ABCG5: variants seen among roughly 807,000 people sequenced by gnomAD.
The protein encoded by ABCG5 is ATP binding cassette subfamily G member 5, also known as ATP-binding cassette sub-family G member 5.
ABCG5 carries 64 observed loss-of-function variants against 64.5 expected under a neutral mutation model. The ratio of observed to expected loss-of-function variants is 0.99; its 90% confidence interval spans 0.81 to 1.22. The LOEUF is 1.22. ABCG5 is among the 50% of genes most tolerant of loss of function. ABCG5 has a pLI of 0.00. For synonymous variants in ABCG5, 385 were observed against 326.3 expected, an observed-to-expected ratio of 1.18 and a Z score of -1.94; for missense variants, 908 against 829.5, an observed-to-expected ratio of 1.09 and a Z score of -1.16.
chr2:43,838,342 A>G lies in ABCG5; in HGVS notation c.143+195T>C, dbSNP rs1214023504. On this transcript the variant is annotated intron_variant, in intron 1 of 12. Transcript: ENST00000405322. This position sits in a 1 kb window ranked among gnomAD's most constrained non-coding sequence, Gnocchi z 4.2. ...TTTATGCCCAGGCCCTTCCCTGGGC[A>G]GGGGGAGGGGCCATTCACTGTCGCT... 1.3e-5 allele frequency: 8 copies of G among 629,368 alleles called. No homozygotes were observed. The highest frequency in any genetic ancestry group is 2.0e-5 in the South Asian group (1 of 50,668). 39.0% of individuals were successfully genotyped at this position (629,368 alleles called of 1,614,324 possible). A position where few individuals can be genotyped will look rare whatever the true frequency, so the allele number is the denominator to read the frequency against.
downstream of ABCG5, chr2:43,810,400 C>G (rs920331301): frequency 1.6e-5 from 16 of 985,288 alleles, no homozygotes; most frequent in Non-Finnish European, 1.9e-5. Flanking sequence ...AGGAGATATC[C>G]TATCAAGAAG....
At chr2:43,836,968 G>A (rs2104889089) in intron 2 of ABCG5, among the ~76,000 whole-genome samples, 1 of 149,234 alleles carries the variant, frequency 6.7e-6, no homozygotes, top group Middle Eastern at 3.4e-3. Context: ...GGTTAAGGAT[G>A]CAGTGAGCCA....
chr2:43,820,386 C>T (rs1462908912), intron 10 of ABCG5, among the ~76,000 whole-genome samples: 2 of 152,178 alleles, frequency 1.3e-5, no homozygotes, highest in African/African-American at 4.8e-5. Context: ...ATGGTCACAA[C>T]TAACCGCAGT....
intron 11 of ABCG5, among the ~76,000 whole-genome samples, chr2:43,816,856 C>A (rs1666867951): frequency 6.6e-6 from 1 of 152,188 alleles, no homozygotes; most frequent in Non-Finnish European, 1.5e-5. Flanking sequence ...CTTCAGGTAA[C>A]TTTTACTTTC....
At position 43,827,968 on chromosome 2, in the gene ABCG5, C is replaced by G; in HGVS notation, c.634+15G>C. On this transcript the variant is annotated intron_variant, in intron 5 of 12. Coordinates refer to ENST00000405322, the MANE Select transcript of ABCG5 (RefSeq NM_022436.3). Reference sequence around the variant, plus strand: ...GCCCAGACAGCAGCTAGTAACAGTTCTGGGTGCCACTTACTAGGATCCTGG... The same window carrying G: ...GCCCAGACAGCAGCTAGTAACAGTTGTGGGTGCCACTTACTAGGATCCTGG... The G allele has an allele frequency of 6.2e-7, 1 of 1,613,854 alleles. No individual in the cohort carries two copies. The highest frequency in any genetic ancestry group is 8.5e-7 in the Non-Finnish European group (1 of 1,179,996).
chr2:43,837,395 A>C (rs1336102808), intron 2 of ABCG5, among the ~76,000 whole-genome samples: 2 of 152,170 alleles, frequency 1.3e-5, no homozygotes, highest in Non-Finnish European at 2.9e-5. Flanking sequence ...TGCTGGGATT[A>C]CAGTCATAAG....
chr2:43,828,325 T>C (rs1558756129), intron 4 of ABCG5: 7 of 684,012 alleles, frequency 1.0e-5, no homozygotes, highest in African/African-American at 1.8e-5. Flanking sequence ...TTTAAATAAA[T>C]AATATGAATT....
Position 43,838,184 on chromosome 2 carries a change from G to C in ABCG5, c.144-229C>G. 1 of 613,950 alleles carries C rather than the reference G, an allele frequency of 1.6e-6. No individual in the cohort carries two copies. Among genetic ancestry groups the C allele is most frequent in the Non-Finnish European group, 2.8e-6 (1 of 352,264 alleles). 38.0% of individuals were successfully genotyped at this position (613,950 alleles called of 1,614,324 possible). ...TGGAGTTGCTCTGAATGTCCTGTCC[G>C]TTTGGCTGCGAGGTGGCTGTCCCTG... On this transcript the variant is annotated intron_variant, in intron 1 of 12. Coordinates refer to ENST00000405322, the MANE Select transcript of ABCG5 (RefSeq NM_022436.3). The surrounding 1 kb of genome is among the most constrained non-coding windows in gnomAD (Gnocchi z 4.2).
At chr2:43,806,735 A>G in the ABCG5 span, among the ~76,000 whole-genome samples, 1 of 152,218 alleles carries the variant, frequency 6.6e-6, no homozygotes, top group South Asian at 2.1e-4. Flanking sequence ...TGTGAGCATC[A>G]TGAGTTTTCA....
chr2:43,839,029 CCAGGGTCA>C, upstream of ABCG5: 1 of 1,550,274 alleles, frequency 6.5e-7, no homozygotes, highest in Non-Finnish European at 8.7e-7. Flanking sequence ...GAGCTGCAGC[CCAGGGTCA>C]CAGACCTGTG....
downstream of ABCG5, among the ~76,000 whole-genome samples, chr2:43,809,183 G>A (rs1013195640): frequency 6.6e-6 from 1 of 151,990 alleles, no homozygotes; most frequent in Admixed American, 6.6e-5. Context: ...GTAGAGACAC[G>A]GTCTCCCTAT....
chr2:43,819,481 C>CT (rs4148199), intron 11 of ABCG5, among the ~76,000 whole-genome samples: 292 of 143,108 alleles, frequency 2.0e-3, no homozygotes, highest in East Asian at 7.5e-3. Context: ...ATCCTGCAGG[C>CT]TTTTTTTTTT....
chr2:43,826,256 T>C, intron 6 of ABCG5, 126 bp downstream of exon 6: 1 of 1,439,504 alleles, frequency 6.9e-7, no homozygotes, highest in Non-Finnish European at 9.5e-7. Context: ...TGCCTCAGCC[T>C]CCCAAAGTGC....
At chr2:43,813,920 C>T (rs780797301) in intron 12 of ABCG5, among the ~76,000 whole-genome samples, 5 of 151,242 alleles carry the variant, frequency 3.3e-5, no homozygotes, top group Non-Finnish European at 4.4e-5. Flanking sequence ...GTTTTTGCCA[C>T]GTCGGCCAGG....
In ABCG5 at chr2:43,824,052, G is replaced by A. The variant is rs1667431226; in HGVS notation, c.1185C>T (p.Ile395=). 3 of 1,614,084 alleles carry A rather than the reference G, an allele frequency of 1.9e-6. No individual in the cohort carries two copies. The Admixed American group carries it at 5.0e-5, about 27-fold the overall frequency. Residue 395 remains isoleucine, a synonymous_variant, in exon 9 of 13, where the codon ATC becomes ATT. Coordinates refer to ENST00000405322, the MANE Select transcript of ABCG5 (RefSeq NM_022436.3). ...CGAAGAAAAGGAGGAACAAACCCAT[G>A]ATCAGATTCTGAAGGAGACGCGTAA... ...AVITRLLQNL[I]MGLFLLFFVL...
rs1321565464 is a variant in ABCG5 at position 43,814,458 on chromosome 2, C to A, written c.1762+19G>T. 2.0e-6 allele frequency: 3 copies of A among 1,495,012 alleles called. No homozygotes were observed. The highest frequency in any genetic ancestry group is 1.7e-4 in the Middle Eastern group (1 of 5,816). 92.6% of individuals were successfully genotyped at this position (1,495,012 alleles called of 1,614,324 possible). The stretch of plus-strand genomic sequence containing the variant: ...TCAGAGTAACATGCAAAAATAATAT[C>A]CCCAAATAGAATACTTACCACAAGT... On this transcript the variant is annotated intron_variant, in intron 12 of 12. Coordinates refer to ENST00000405322, the MANE Select transcript of ABCG5 (RefSeq NM_022436.3).
downstream of ABCG5, among the ~76,000 whole-genome samples, chr2:43,808,738 G>A (rs980680030): frequency 1.3e-5 from 2 of 152,092 alleles, no homozygotes; most frequent in African/African-American, 2.4e-5. Flanking sequence ...CTTTTTTCAT[G>A]TGGCACACAT....
intron 11 of ABCG5, among the ~76,000 whole-genome samples, chr2:43,815,060 C>T (rs1435403344): frequency 6.6e-6 from 1 of 152,190 alleles, no homozygotes; most frequent in African/African-American, 2.4e-5. Flanking sequence ...CAAGAAAATA[C>T]AGACCTAACA....
At chr2:43,813,384 C>T in intron 12 of ABCG5, 75 bp from the exon 13 acceptor site, 1 of 1,048,848 alleles carries the variant, frequency 9.5e-7, no homozygotes, top group Non-Finnish European at 1.5e-6. Context: ...TTACCAAGCG[C>T]TTGCTAAGTA....
Sources: allele counts gnomAD v4.1 joint callset (sites outside exome capture counted in the v4.1 genomes callset), GRCh38; gene constraint gnomAD v4.1.1; non-coding constraint Gnocchi (gnomAD v3.1); transcripts MANE v1.5; gene names NCBI Gene and HGNC (gene_info 2026-07-23, HGNC 2026-07-21).